Variants in PTPRK observed in about 807,000 individuals in gnomAD.
The protein encoded by PTPRK is receptor-type tyrosine-protein phosphatase kappa.
In PTPRK, 75 loss-of-function variants were observed where a neutral mutation model predicts 178.0. The ratio of observed to expected loss-of-function variants is 0.42; its 90% CI spans 0.35 to 0.51. The LOEUF (loss-of-function observed/expected upper bound fraction) is 0.51, where lower values mean the gene tolerates loss of function less well. Among genes scored for constraint, PTPRK ranks in the 20% least tolerant of loss-of-function variants. PTPRK has a pLI of 0.02. For missense variants in PTPRK, 1,441 were observed against 1,797.8 expected, an observed-to-expected ratio of 0.80 and a Z score of 3.59; for synonymous variants, 637 against 620.6, an observed-to-expected ratio of 1.03 and a Z score of -0.39.
chr6:128,500,366 G>T (rs540532763), intron 1 of PTPRK, among the ~76,000 whole-genome samples: 51 of 152,084 alleles, frequency 3.4e-4, no homozygotes, highest in East Asian at 9.7e-4. Context: ...GAAAATTTGG[G>T]GGGGGGAGTC....
intron 1 of PTPRK, among the ~76,000 whole-genome samples, chr6:128,480,815 C>T (rs1208019453): frequency 6.6e-6 from 1 of 152,162 alleles, no homozygotes; most frequent in Non-Finnish European, 1.5e-5. Flanking sequence ...CCACATCAGC[C>T]ACCCATGGCC....
At chr6:128,193,906 A>T (rs918203877) in intron 6 of PTPRK, among the ~76,000 whole-genome samples, 1 of 152,000 alleles carries the variant, frequency 6.6e-6, no homozygotes, top group Admixed American at 6.6e-5. Context: ...TGAAAAGGTG[A>T]TGGAATTTTA....
In PTPRK at chr6:128,475,406, G is replaced by A. The variant is rs182453430; in HGVS notation, c.100+44853C>T. The stretch of plus-strand genomic sequence containing the variant: ...AGATAGATCACTTCGCGAGAACAGC[G>A]AAAGATAGATTGGTTAGGGGATGTT... On this transcript the variant is annotated intron_variant, in intron 1 of 29. Transcript: ENST00000368226. 9.1e-4 allele frequency among the ~76,000 whole-genome samples: 138 copies of A among 152,106 alleles called. 1 individual carries two copies. Among genetic ancestry groups the A allele is most frequent in the African/African-American group, 3.0e-3 (126 of 41,496 alleles).
At chr6:128,277,680 G>A (rs1172600691) in intron 3 of PTPRK, among the ~76,000 whole-genome samples, 2 of 152,164 alleles carry the variant, frequency 1.3e-5, no homozygotes, top group Non-Finnish European at 2.9e-5. Flanking sequence ...TAATTTATGT[G>A]AGGTTAGACT....
intron 7 of PTPRK, among the ~76,000 whole-genome samples, chr6:128,135,959 G>A (rs931849109): frequency 5.9e-5 from 9 of 152,102 alleles, no homozygotes; most frequent in East Asian, 1.9e-4. Flanking sequence ...CCCAAAATTC[G>A]TACGTTGAAG....
In PTPRK at chr6:128,009,280, A is replaced by G. The variant is rs1403594133; in HGVS notation, c.2195-12T>C. On this transcript the variant is annotated splice_polypyrimidine_tract_variant and intron_variant, in intron 13 of 29. Transcript: ENST00000368226. Reference sequence around the variant, plus strand: ...TTCTGTTGCTGCTGCTAAATGGATAAAAAAAAAAATCAGTTACTGAAAGAA... The same window carrying G: ...TTCTGTTGCTGCTGCTAAATGGATAGAAAAAAAAATCAGTTACTGAAAGAA... The G allele has an allele frequency of 4.5e-6, 7 of 1,566,442 alleles. No individual in the cohort carries two copies. The African/African-American group carries it at 7.2e-5, about 16-fold the overall frequency.
chr6:128,018,756 T>C (rs1411455483), intron 13 of PTPRK, among the ~76,000 whole-genome samples: 2 of 152,090 alleles, frequency 1.3e-5, no homozygotes, highest in Non-Finnish European at 2.9e-5. Context: ...TTTCTAAATC[T>C]AGATTTCTGC....
At chr6:128,423,167 T>C (rs1843699082) in intron 1 of PTPRK, among the ~76,000 whole-genome samples, 1 of 152,182 alleles carries the variant, frequency 6.6e-6, no homozygotes. Flanking sequence ...AAAGGAAAAG[T>C]TTTTAAAAGC....
At chr6:128,410,380 C>T (rs374291049) in intron 1 of PTPRK, among the ~76,000 whole-genome samples, 2 of 152,166 alleles carry the variant, frequency 1.3e-5, no homozygotes, top group African/African-American at 4.8e-5. Context: ...CACCCTCAGT[C>T]CCCTTTAACA....
rs574994957 is a variant in PTPRK, at chr6:128,003,100, G to C, written c.2494+1984C>G. On this transcript the variant is annotated intron_variant, in intron 15 of 29. Coordinates refer to ENST00000368226, the MANE Select transcript of PTPRK (RefSeq NM_002844.4). The stretch of plus-strand genomic sequence containing the variant: ...CATGGCTGTCTATTTTCAAAATCAA[G>C]CTGCCTCCTGCACTGTAAATAATCT... 2.5e-5 allele frequency: 30 copies of C among 1,218,386 alleles called. No individual in the cohort carries two copies. The East Asian group carries it at 6.6e-4, about 27-fold the overall frequency. 75.5% of individuals were successfully genotyped at this position (1,218,386 alleles called of 1,614,324 possible).
chr6:128,330,140 T>C (rs1333286976), intron 2 of PTPRK, among the ~76,000 whole-genome samples: 1 of 152,166 alleles, frequency 6.6e-6, no homozygotes, highest in Non-Finnish European at 1.5e-5. Context: ...TACAATAATA[T>C]TGCTTCATGC....
At position 128,464,660 on chromosome 6, in the gene PTPRK, T is replaced by TACAC. The variant is rs1562577144; in HGVS notation, c.100+55598_100+55599insGTGT. Among the ~76,000 whole-genome samples the TACAC allele has an allele frequency of 2.7e-5, 3 of 109,458 alleles. 1 individual carries two copies. Among genetic ancestry groups the TACAC allele is most frequent in the African/African-American group, 4.2e-5 (1 of 24,040 alleles). The allele number at this position is 109,458 out of a possible 152,430, so 71.8% of individuals were successfully genotyped here. On this transcript the variant is annotated intron_variant, in intron 1 of 29. Transcript: ENST00000368226. The stretch of plus-strand genomic sequence containing the variant: ...ACACATATATATATATATATATATA[T>TACAC]ATATATATATATATACAACAGATGG...
intron 7 of PTPRK, among the ~76,000 whole-genome samples, chr6:128,114,257 G>C (rs1197756343): frequency 6.6e-6 from 1 of 152,040 alleles, no homozygotes; most frequent in Admixed American, 6.6e-5. Flanking sequence ...GTGAAGAGGA[G>C]GCAAGGCATG....
chr6:128,508,594 G>T (rs1261295733), intron 1 of PTPRK, among the ~76,000 whole-genome samples: 1 of 152,132 alleles, frequency 6.6e-6, no homozygotes, highest in East Asian at 1.9e-4. Context: ...CTTACCCACA[G>T]TTTCACTTTC....
intron 13 of PTPRK, among the ~76,000 whole-genome samples, chr6:128,055,208 T>C (rs556193157): frequency 2.0e-5 from 3 of 152,324 alleles, no homozygotes; most frequent in Admixed American, 6.5e-5. Flanking sequence ...AAAGAGCAAT[T>C]TGAATTCACT....
chr6:128,151,678 C>A (rs1218776235), intron 7 of PTPRK, among the ~76,000 whole-genome samples: 1 of 152,032 alleles, frequency 6.6e-6, no homozygotes, highest in Non-Finnish European at 1.5e-5. Flanking sequence ...TACACAAAGG[C>A]TTCCACTGTA....
chr6:128,318,494 T>C (rs1189397510), intron 3 of PTPRK, among the ~76,000 whole-genome samples: 3 of 152,158 alleles, frequency 2.0e-5, no homozygotes, highest in African/African-American at 7.2e-5. Flanking sequence ...TCTCCATGTA[T>C]TGGGGGAGAA....
At chr6:128,268,359 G>T (rs1056968504) in intron 3 of PTPRK, among the ~76,000 whole-genome samples, 3 of 151,856 alleles carry the variant, frequency 2.0e-5, no homozygotes, top group Admixed American at 6.6e-5. Context: ...AACTCCAAGG[G>T]TCATCAATTA....
At chr6:128,332,033 AG>A (rs1830348178) in intron 2 of PTPRK, among the ~76,000 whole-genome samples, 1 of 152,194 alleles carries the variant, frequency 6.6e-6, no homozygotes, top group South Asian at 2.1e-4. Flanking sequence ...AAGTTTCAGT[AG>A]AAAGTAGCAA....
Sources: allele counts gnomAD v4.1 joint callset (sites outside exome capture counted in the v4.1 genomes callset), GRCh38; gene constraint gnomAD v4.1.1; transcripts MANE v1.5; gene names NCBI Gene and HGNC (gene_info 2026-07-23, HGNC 2026-07-21).